Variants in TRPC5 observed in about 807,000 individuals in gnomAD.
The protein encoded by TRPC5 is transient receptor potential cation channel subfamily C member 5.
A neutral mutation model predicts 56.5 loss-of-function variants in TRPC5; 9 were observed. That is an observed-to-expected ratio of 0.16 (90% CI 0.10 to 0.28). TRPC5 has a LOEUF of 0.28. Among genes scored for constraint, TRPC5 ranks in the 10% least tolerant of loss-of-function variants. The pLI is 1.00. For missense variants in TRPC5, 469 were observed against 748.9 expected (o/e 0.63, Z 4.36); for synonymous variants, 282 against 278.5 (o/e 1.01, Z -0.13).
chrX:111,916,369 G>T (rs1925975749), intron 2 of TRPC5, among the ~76,000 whole-genome samples: 1 of 111,565 alleles, frequency 9.0e-6, no homozygotes, highest in African/African-American at 3.3e-5. Flanking sequence ...TTGCTTCAAA[G>T]TGGGGACTGA....
At chrX:111,952,886 C>T (rs949001356) in intron 1 of TRPC5, among the ~76,000 whole-genome samples, 2 of 111,859 alleles carry the variant, frequency 1.8e-5, no homozygotes, top group Non-Finnish European at 3.8e-5. Context: ...CCTCCTAAGA[C>T]ATGGCATAAG....
chrX:111,958,843 C>T (rs766695013), intron 1 of TRPC5, among the ~76,000 whole-genome samples: 83 of 112,270 alleles, frequency 7.4e-4, no homozygotes, highest in Non-Finnish European at 1.2e-3. Flanking sequence ...AAGTGATGCT[C>T]AATAAAATTA....
chrX:111,987,850 C>T (rs1435460561), intron 1 of TRPC5, among the ~76,000 whole-genome samples: 1 of 112,180 alleles, frequency 8.9e-6, no homozygotes, highest in Non-Finnish European at 1.9e-5. Context: ...TCTATACAGG[C>T]CTTCAAATGA....
chrX:112,012,440 T>G (rs1181560023), intron 1 of TRPC5, among the ~76,000 whole-genome samples: 1 of 110,672 alleles, frequency 9.0e-6, no homozygotes, highest in East Asian at 2.8e-4. Context: ...GATCTCACAA[T>G]TCTCTTTGCT....
intron 3 of TRPC5, among the ~76,000 whole-genome samples, chrX:111,883,956 T>C (rs1283710801): frequency 8.9e-6 from 1 of 112,626 alleles, no homozygotes; most frequent in Non-Finnish European, 1.9e-5. Context: ...CCTAGTTAAG[T>C]GTGAGTCAAA....
chrX:111,808,992 C>T (rs1921611400), intron 7 of TRPC5, among the ~76,000 whole-genome samples: 1 of 108,849 alleles, frequency 9.2e-6, no homozygotes, highest in Non-Finnish European at 1.9e-5. Flanking sequence ...TGCCCAGTGC[C>T]CTATCCTACT....
intron 1 of TRPC5, among the ~76,000 whole-genome samples, chrX:111,992,595 A>C (rs1015382139): frequency 1.9e-5 from 2 of 106,035 alleles, no homozygotes; most frequent in Admixed American, 1.0e-4. Context: ...AAACATTATT[A>C]TTATTATTAT....
At chrX:112,005,860 C>T (rs762784128) in intron 1 of TRPC5, among the ~76,000 whole-genome samples, 5 of 111,829 alleles carry the variant, frequency 4.5e-5, no homozygotes, top group Admixed American at 9.5e-5. Context: ...GGAACTGTCC[C>T]GGAGCTGTTT....
At chrX:112,023,838 A>C (rs928600116) in intron 1 of TRPC5, among the ~76,000 whole-genome samples, 1 of 111,420 alleles carries the variant, frequency 9.0e-6, no homozygotes, top group African/African-American at 3.3e-5. Flanking sequence ...TTGCTACTCC[A>C]AACTCTGCCC....
chrX:112,016,842 T>A (rs969988669), intron 1 of TRPC5, among the ~76,000 whole-genome samples: 1 of 111,801 alleles, frequency 8.9e-6, no homozygotes, highest in Non-Finnish European at 1.9e-5. Context: ...ATCACTTCAC[T>A]ACTCTAAGCC....
intron 3 of TRPC5, among the ~76,000 whole-genome samples, chrX:111,875,572 C>CTTTTTTTT (rs771241425): frequency 5.7e-5 from 4 of 70,461 alleles, no homozygotes; most frequent in African/African-American, 1.2e-4. Context: ...TTTTTTCTTT[C>CTTTTTTTT]TTTTTTTTTT....
At chrX:112,036,572 T>C (rs763795795) in intron 1 of TRPC5, among the ~76,000 whole-genome samples, 11 of 112,277 alleles carry the variant, frequency 9.8e-5, no homozygotes, top group Non-Finnish European at 1.9e-4. Context: ...CACAAAAGTT[T>C]CCTAATGTGT....
At chrX:112,009,639 A>G (rs1174220482) in intron 1 of TRPC5, among the ~76,000 whole-genome samples, 1 of 111,999 alleles carries the variant, frequency 8.9e-6, no homozygotes, top group Non-Finnish European at 1.9e-5. Context: ...CATAAAGGCA[A>G]GGGAAAACCA....
At chrX:111,950,587 A>C (rs1182071774) in intron 2 of TRPC5, among the ~76,000 whole-genome samples, 1 of 111,532 alleles carries the variant, frequency 9.0e-6, no homozygotes, top group Non-Finnish European at 1.9e-5. Context: ...TGGGTGCACC[A>C]AAATCTCACA....
chrX:111,876,866 G>A (rs942458073), intron 3 of TRPC5, among the ~76,000 whole-genome samples: 4 of 111,479 alleles, frequency 3.6e-5, no homozygotes, highest in Non-Finnish European at 7.5e-5. Flanking sequence ...TTCACTTAGA[G>A]CTCATATTAA....
intron 2 of TRPC5, among the ~76,000 whole-genome samples, chrX:111,927,570 T>C (rs1376741494): frequency 9.0e-6 from 1 of 111,189 alleles, no homozygotes; most frequent in African/African-American, 3.3e-5. Context: ...TGAAGTGTCT[T>C]CATCCGGGGC....
At chrX:111,885,363 C>T (rs1247792608) in intron 3 of TRPC5, among the ~76,000 whole-genome samples, 1 of 111,430 alleles carries the variant, frequency 9.0e-6, no homozygotes. Flanking sequence ...TAGTTAGGAC[C>T]TAGTCATCCC....
intron 2 of TRPC5, among the ~76,000 whole-genome samples, chrX:111,944,303 T>TGTGTGTGTGTGTGA (rs1173179815): frequency 9.8e-5 from 6 of 61,383 alleles, no homozygotes; most frequent in African/African-American, 2.1e-4. Flanking sequence ...TGTGTGTGTG[T>TGTGTGTGTGTGTGA]GAGAGAGAGA....
At position 111,976,636 on chromosome X, in the gene TRPC5, A is replaced by G. The variant is rs1330585631; in HGVS notation, c.-21-24195T>C. ...ACGTAGTACTGAAAGTTCTACCCAGAGCAATTAGGCAAGAAAAAGAAATAA... is the reference window on the plus strand; with the variant it reads ...ACGTAGTACTGAAAGTTCTACCCAGGGCAATTAGGCAAGAAAAAGAAATAA... On this transcript the variant is annotated intron_variant, in intron 1 of 10. Transcript: ENST00000262839. 9.0e-5 allele frequency among the ~76,000 whole-genome samples: 10 copies of G among 111,162 alleles called. No homozygotes were observed. The Admixed American group carries it at 9.6e-4, about 11-fold the overall frequency.
Sources: gnomAD v4.1 joint callset for allele counts (sites outside exome capture counted in the v4.1 genomes callset) on GRCh38, gnomAD v4.1.1 for gene constraint, MANE v1.5 for transcripts, NCBI Gene and HGNC (gene_info 2026-07-23, HGNC 2026-07-21) for gene names.